LRRC4C: variants seen among roughly 807,000 people sequenced by gnomAD.
LRRC4C encodes leucine rich repeat containing 4C.
In LRRC4C, 5 loss-of-function variants were observed where a neutral mutation model predicts 33.6. The ratio of observed to expected loss-of-function variants is 0.15; its 90% confidence interval spans 0.08 to 0.31. The LOEUF is 0.31. Among genes scored for constraint, LRRC4C ranks in the 10% least tolerant of loss-of-function variants. The pLI, the probability that LRRC4C is intolerant of heterozygous loss-of-function variation, is 1.00. For synonymous variants in LRRC4C, 329 were observed against 302.0 expected, an observed-to-expected ratio of 1.09 and a Z score of -0.93; for missense variants, 560 against 796.7, an observed-to-expected ratio of 0.70 and a Z score of 3.58.
chr11:40,235,600 T>C (rs1865499457), intron 5 of LRRC4C, among the ~76,000 whole-genome samples: 1 of 152,204 alleles, frequency 6.6e-6, no homozygotes, highest in South Asian at 2.1e-4. Flanking sequence ...ATATTCCAGT[T>C]ATAAATAAGA....
At chr11:41,165,248 C>T (rs1013800993) in intron 1 of LRRC4C, among the ~76,000 whole-genome samples, 1 of 152,106 alleles carries the variant, frequency 6.6e-6, no homozygotes, top group African/African-American at 2.4e-5. Context: ...CCCCCAGGAC[C>T]TGGTGTTGAG....
At chr11:40,606,544 A>C (rs1212456522) in intron 3 of LRRC4C, among the ~76,000 whole-genome samples, 1 of 152,138 alleles carries the variant, frequency 6.6e-6, no homozygotes, top group African/African-American at 2.4e-5. Context: ...CCATCAAGAA[A>C]AACAATTCCC....
At chr11:40,379,950 GGATGAC>G (rs1948800709) in intron 3 of LRRC4C, among the ~76,000 whole-genome samples, 3 of 152,026 alleles carry the variant, frequency 2.0e-5, no homozygotes, top group Non-Finnish European at 2.9e-5. Context: ...TGAGTCCTGT[GGATGAC>G]TTTGATGTGA....
At chr11:40,810,881 C>A (rs1055189604) in intron 2 of LRRC4C, among the ~76,000 whole-genome samples, 2 of 152,106 alleles carry the variant, frequency 1.3e-5, no homozygotes, top group African/African-American at 4.8e-5. Context: ...GTCCAGAATA[C>A]TTTTTTCCAA....
intron 4 of LRRC4C, among the ~76,000 whole-genome samples, chr11:40,283,594 C>T (rs1198520544): frequency 1.3e-5 from 2 of 151,498 alleles, no homozygotes; most frequent in African/African-American, 4.9e-5. Context: ...TAGATCAGGC[C>T]ACTCATTTAT....
intron 3 of LRRC4C, among the ~76,000 whole-genome samples, chr11:40,570,080 A>G (rs1339807686): frequency 6.6e-6 from 1 of 152,064 alleles, no homozygotes; most frequent in African/African-American, 2.4e-5. Context: ...ATATACATAA[A>G]CATACACATG....
chr11:41,238,825 A>G (rs1298644142), intron 1 of LRRC4C, among the ~76,000 whole-genome samples: 8 of 152,304 alleles, frequency 5.3e-5, no homozygotes, highest in Middle Eastern at 3.4e-3. Flanking sequence ...GATCTTGGAC[A>G]AAGGTTATCG....
intron 3 of LRRC4C, among the ~76,000 whole-genome samples, chr11:40,538,575 T>C (rs1008572183): frequency 9.9e-5 from 15 of 152,214 alleles, no homozygotes; most frequent in African/African-American, 3.6e-4. Flanking sequence ...CTATTGTGAA[T>C]AGTGCCGCAA....
At chr11:41,344,420 C>T (rs774023711) in intron 1 of LRRC4C, among the ~76,000 whole-genome samples, 5 of 152,034 alleles carry the variant, frequency 3.3e-5, no homozygotes, top group African/African-American at 7.2e-5. Flanking sequence ...CGGTGTTTCA[C>T]CGTGTTAGCC....
At chr11:40,289,423 T>C (rs1944048669) in intron 4 of LRRC4C, among the ~76,000 whole-genome samples, 1 of 152,190 alleles carries the variant, frequency 6.6e-6, no homozygotes, top group Non-Finnish European at 1.5e-5. Flanking sequence ...AGGGCACAGC[T>C]ACTACATTTG....
At chr11:41,422,207 AT>A (rs912183714) in intron 1 of LRRC4C, among the ~76,000 whole-genome samples, 9 of 150,912 alleles carry the variant, frequency 6.0e-5, no homozygotes, top group East Asian at 3.9e-4. Flanking sequence ...TGGGACTCTA[AT>A]TTTTTTTTCA....
chr11:41,408,067 G>C (rs1954309613), intron 1 of LRRC4C, among the ~76,000 whole-genome samples: 2 of 152,058 alleles, frequency 1.3e-5, no homozygotes, highest in African/African-American at 4.8e-5. Flanking sequence ...CCCCTAACCA[G>C]TATTATTGTT....
chr11:40,861,743 AC>A (rs1380039347), intron 2 of LRRC4C, among the ~76,000 whole-genome samples: 1 of 152,196 alleles, frequency 6.6e-6, no homozygotes, highest in African/African-American at 2.4e-5. Flanking sequence ...TGCAGACTAT[AC>A]AAGATGCATG....
At chr11:40,405,882 G>GGAGGAACCACAAGAGAA (rs1949947495) in intron 3 of LRRC4C, among the ~76,000 whole-genome samples, 3 of 151,820 alleles carry the variant, frequency 2.0e-5, no homozygotes, top group Non-Finnish European at 4.4e-5. Context: ...CCACAAGAGA[G>GGAGGAACCACAAGAGAA]AAGGAACCTG....
At chr11:40,593,105 A>G (rs551703901) in intron 3 of LRRC4C, among the ~76,000 whole-genome samples, 37 of 152,216 alleles carry the variant, frequency 2.4e-4, no homozygotes, top group Non-Finnish European at 4.7e-4. Flanking sequence ...TTTATTATTC[A>G]TAGCCTGAAC....
rs190285233 is a variant in LRRC4C at position 41,227,682 on chromosome 11, G to A, written c.-496+231749C>T. 1.2e-4 allele frequency among the ~76,000 whole-genome samples: 18 copies of A among 151,964 alleles called. No homozygotes were observed. The East Asian group carries it at 2.1e-3, about 18-fold the overall frequency. On this transcript the variant is annotated intron_variant, in intron 1 of 6. Coordinates refer to ENST00000528697, the MANE Select transcript of LRRC4C (RefSeq NM_001258419.2). ...CCTGGACTTTGCTTTATTAACCTCCGAACTTTTTTCTTTCCAGATTGATAT... is the reference window on the plus strand; with the variant it reads ...CCTGGACTTTGCTTTATTAACCTCCAAACTTTTTTCTTTCCAGATTGATAT...
At chr11:40,775,044 A>T (rs12271155) in intron 2 of LRRC4C, among the ~76,000 whole-genome samples, 7,788 of 152,022 alleles carry the variant, frequency 0.051, 272 homozygotes, top group African/African-American at 0.094. Flanking sequence ...AATAAATAAA[A>T]AATCCAGTTT....
intron 1 of LRRC4C, among the ~76,000 whole-genome samples, chr11:41,019,833 CTG>C (rs1365861634): frequency 6.6e-6 from 1 of 152,002 alleles, no homozygotes; most frequent in African/African-American, 2.4e-5. Flanking sequence ...TGAGAAGTGT[CTG>C]TTCATATCTT....
intron 3 of LRRC4C, among the ~76,000 whole-genome samples, chr11:40,348,665 A>G (rs190636742): frequency 4.1e-4 from 62 of 152,326 alleles, no homozygotes; most frequent in African/African-American, 1.5e-3. Flanking sequence ...CTTCTTCACC[A>G]AAACCCATGC....
Sources: gnomAD v4.1 joint callset for allele counts (sites outside exome capture counted in the v4.1 genomes callset) on GRCh38, gnomAD v4.1.1 for gene constraint, MANE v1.5 for transcripts, NCBI Gene and HGNC (gene_info 2026-07-23, HGNC 2026-07-21) for gene names.